The following SLC25A48 variants were observed in gnomAD, a reference collection of about 807,000 sequenced individuals.
The protein encoded by SLC25A48 is CTC-321K16.1.
A neutral mutation model predicts 32.2 loss-of-function variants in SLC25A48; 29 were observed. The observed-to-expected ratio is 0.90, with a 90% CI of 0.67 to 1.23. SLC25A48 has a LOEUF of 1.23. Among genes scored for constraint, SLC25A48 ranks in the 50% most tolerant of loss-of-function variants. The probability of loss-of-function intolerance (pLI) is 0.00; values close to 1 mark genes in which losing one functional copy is unlikely to be tolerated. For synonymous variants in SLC25A48, 164 were observed against 172.3 expected, an observed-to-expected ratio of 0.95 and a Z score of 0.38; for missense variants, 399 against 422.7, an observed-to-expected ratio of 0.94 and a Z score of 0.49.
At chr5:135,819,747 T>C (rs1235046250) in intron 4 of SLC25A48, among the ~76,000 whole-genome samples, 5 of 152,180 alleles carry the variant, frequency 3.3e-5, no homozygotes, top group Non-Finnish European at 7.4e-5. Flanking sequence ...ACTTTAATTA[T>C]AACAATAAAG....
intron 1 of SLC25A48, among the ~76,000 whole-genome samples, chr5:135,615,243 G>A (rs1418464755): frequency 6.6e-6 from 1 of 152,204 alleles, no homozygotes; most frequent in African/African-American, 2.4e-5. Context: ...AAAATAGGAA[G>A]ATGAGGGAAA....
intron 3 of SLC25A48, among the ~76,000 whole-genome samples, chr5:135,664,424 G>A (rs1471815633): frequency 1.3e-5 from 2 of 152,160 alleles, no homozygotes; most frequent in South Asian, 4.1e-4. Context: ...TGTTGTAATG[G>A]GAAGCAGGAT....
intron 3 of SLC25A48, among the ~76,000 whole-genome samples, chr5:135,789,873 G>A (rs529237942): frequency 5.6e-4 from 85 of 151,932 alleles, no homozygotes; most frequent in African/African-American, 1.8e-3. Flanking sequence ...AATTTCACAG[G>A]GTGTACACCT....
chr5:135,844,371 C>T (rs1222764964), intron 2 of SLC25A48, among the ~76,000 whole-genome samples: 1 of 152,188 alleles, frequency 6.6e-6, no homozygotes, highest in African/African-American at 2.4e-5. Context: ...CTGGTTGTTC[C>T]TGGCAATTCT....
At chr5:135,760,985 C>G (rs1326738817) in intron 3 of SLC25A48, among the ~76,000 whole-genome samples, 1 of 151,978 alleles carries the variant, frequency 6.6e-6, no homozygotes, top group Non-Finnish European at 1.5e-5. Flanking sequence ...TCCATGAAAT[C>G]TTTTACTGAT....
At chr5:135,590,011 A>G (rs1023387316) in intron 1 of SLC25A48, among the ~76,000 whole-genome samples, 1 of 152,188 alleles carries the variant, frequency 6.6e-6, no homozygotes, top group African/African-American at 2.4e-5. Context: ...TTTTAAATCC[A>G]GTCTATTGGT....
intron 3 of SLC25A48, among the ~76,000 whole-genome samples, chr5:135,788,160 C>T (rs531190271): frequency 4.2e-4 from 62 of 149,324 alleles, no homozygotes; most frequent in African/African-American, 1.5e-3. Flanking sequence ...CCGTAATGTC[C>T]GGGGTGGGGG....
intron 7 of SLC25A48, among the ~76,000 whole-genome samples, chr5:135,883,634 G>T (rs1449228317): frequency 1.3e-5 from 2 of 152,128 alleles, no homozygotes; most frequent in South Asian, 4.1e-4. Flanking sequence ...GATGCCTAAG[G>T]TCGGCAGCAG....
chr5:135,763,144 C>A (rs1349494576), intron 3 of SLC25A48, among the ~76,000 whole-genome samples: 1 of 152,108 alleles, frequency 6.6e-6, no homozygotes, highest in Middle Eastern at 3.4e-3. Flanking sequence ...AAACCCTGAC[C>A]GTGGAGAGCT....
chr5:135,769,008 A>T (rs909303412), intron 3 of SLC25A48, among the ~76,000 whole-genome samples: 2 of 151,700 alleles, frequency 1.3e-5, no homozygotes, highest in Non-Finnish European at 2.9e-5. Context: ...GGGGGTGTAC[A>T]CACCTCTGCG....
chr5:135,789,018 T>C (rs1474824292), intron 3 of SLC25A48, among the ~76,000 whole-genome samples: 2 of 150,510 alleles, frequency 1.3e-5, no homozygotes, highest in East Asian at 4.0e-4. Flanking sequence ...GAGAGGGTGG[T>C]ATTATTCCCC....
chr5:135,657,165 C>A (rs1175929817), intron 3 of SLC25A48, among the ~76,000 whole-genome samples: 2 of 152,136 alleles, frequency 1.3e-5, no homozygotes, highest in African/African-American at 4.8e-5. Context: ...TTCTATTGAC[C>A]AACCCTGTAA....
chr5:135,710,397 T>C (rs1488813060), intron 3 of SLC25A48, among the ~76,000 whole-genome samples: 1 of 152,242 alleles, frequency 6.6e-6, no homozygotes, highest in Non-Finnish European at 1.5e-5. Flanking sequence ...AAGGGTGTGA[T>C]GCCTCTGAAG....
At chr5:135,632,810 C>G (rs953672098) in intron 2 of SLC25A48, among the ~76,000 whole-genome samples, 2 of 152,164 alleles carry the variant, frequency 1.3e-5, no homozygotes, top group African/African-American at 4.8e-5. Context: ...AGCAGTGGCT[C>G]TCATGCAGTC....
chr5:135,819,605 T>G (rs1167813567), intron 4 of SLC25A48, among the ~76,000 whole-genome samples: 1 of 151,986 alleles, frequency 6.6e-6, no homozygotes, highest in Non-Finnish European at 1.5e-5. Context: ...GGAGGGAAAA[T>G]GGATTATAAA....
intron 3 of SLC25A48, among the ~76,000 whole-genome samples, chr5:135,743,549 A>G (rs1755561445): frequency 6.6e-6 from 1 of 152,196 alleles, no homozygotes; most frequent in Admixed American, 6.5e-5. Flanking sequence ...GGCACGTACT[A>G]AGTATCTGTC....
intron 3 of SLC25A48, among the ~76,000 whole-genome samples, chr5:135,700,645 T>C (rs1486253989): frequency 6.6e-6 from 1 of 152,156 alleles, no homozygotes; most frequent in East Asian, 1.9e-4. Context: ...TTAGGTTTTA[T>C]ATTTTGTGGC....
At position 135,718,047 on chromosome 5, in the gene SLC25A48, G is replaced by A. The variant is rs578229707; in HGVS notation, c.-521+83091G>A. 4.6e-5 allele frequency among the ~76,000 whole-genome samples: 7 copies of A among 152,088 alleles called. No individual in the cohort carries two copies. The East Asian group carries it at 7.7e-4, about 17-fold the overall frequency. On this transcript the variant is annotated intron_variant, in intron 3 of 10. Transcript: ENST00000646290. ...TGTTGAGAGGGAGTCTTGGTCTGTC[G>A]CCCAGGCTGGGGTGTAGCGGCATGA...
intron 3 of SLC25A48, among the ~76,000 whole-genome samples, chr5:135,773,136 T>C (rs1312098231): frequency 6.6e-6 from 1 of 151,172 alleles, no homozygotes; most frequent in Non-Finnish European, 1.5e-5. Flanking sequence ...TGTTTTGTAA[T>C]ATCCAGGGTG....
Sources: allele counts gnomAD v4.1 joint callset (sites outside exome capture counted in the v4.1 genomes callset), GRCh38; gene constraint gnomAD v4.1.1; transcripts MANE v1.5; gene names NCBI Gene and HGNC (gene_info 2026-07-23, HGNC 2026-07-21).